Variants in WASF3 observed in about 807,000 individuals in gnomAD.
WASF3 encodes WASP family member 3, also known as actin-binding protein WASF3.
In WASF3, 11 loss-of-function variants were observed where a neutral mutation model predicts 46.6. The ratio of observed to expected loss-of-function variants is 0.24; its 90% CI spans 0.15 to 0.39. The LOEUF (loss-of-function observed/expected upper bound fraction) is 0.39. Among genes scored for constraint, WASF3 ranks in the 10% least tolerant of loss-of-function variants. WASF3 has a pLI of 1.00. For synonymous variants in WASF3, 242 were observed against 259.7 expected, an observed-to-expected ratio of 0.93 and a Z score of 0.65; for missense variants, 576 against 669.8, an observed-to-expected ratio of 0.86 and a Z score of 1.55.
At chr13:26,652,121 T>G (rs891456743) in intron 3 of WASF3, among the ~76,000 whole-genome samples, 2 of 152,200 alleles carry the variant, frequency 1.3e-5, no homozygotes, top group Non-Finnish European at 2.9e-5. Context: ...AAGGCAGAGA[T>G]TATCAGGTTA....
intron 1 of WASF3, among the ~76,000 whole-genome samples, chr13:26,578,815 A>G (rs1026823293): frequency 6.6e-6 from 1 of 151,822 alleles, no homozygotes; most frequent in East Asian, 1.9e-4. Context: ...CACATACTGT[A>G]TTGTTCTTGA....
chr13:26,591,115 C>G (rs1256059385), intron 1 of WASF3, among the ~76,000 whole-genome samples: 1 of 150,614 alleles, frequency 6.6e-6, no homozygotes, highest in Non-Finnish European at 1.5e-5. Flanking sequence ...TGTGTGTGTT[C>G]AGGGAGGAGA....
intron 1 of WASF3, among the ~76,000 whole-genome samples, chr13:26,595,860 G>A (rs1465546412): frequency 6.6e-6 from 1 of 152,136 alleles, no homozygotes; most frequent in Non-Finnish European, 1.5e-5. Context: ...GTTTACAATT[G>A]TATGGATATA....
chr13:26,573,231 C>T (rs754438964), intron 1 of WASF3, among the ~76,000 whole-genome samples: 3 of 152,090 alleles, frequency 2.0e-5, no homozygotes, highest in Admixed American at 6.5e-5. Flanking sequence ...TTATCCATTT[C>T]ATCTAGGCTT....
chr13:26,637,555 C>T (rs755658237), intron 2 of WASF3, among the ~76,000 whole-genome samples: 1 of 152,216 alleles, frequency 6.6e-6, no homozygotes, highest in Non-Finnish European at 1.5e-5. Context: ...CTGTTGCCCT[C>T]ACATTTAGCT....
Position 26,688,624 on chromosome 13 carries a change from A to G in WASF3, c.*2779A>G, listed in dbSNP as rs1340952837. The G allele has an allele frequency of 1.3e-5, 2 of 152,262 alleles. No individual in the cohort carries two copies. The highest frequency in any genetic ancestry group is 2.9e-5 in the Non-Finnish European group (2 of 68,040). 9.4% of individuals were successfully genotyped at this position (152,262 alleles called of 1,614,324 possible). ...AACATTTTCATCTCAGTAAGTTTTTAGAACATCAAAATGTTTTCTGAGCTC... is the reference window on the plus strand; with the variant it reads ...AACATTTTCATCTCAGTAAGTTTTTGGAACATCAAAATGTTTTCTGAGCTC... On this transcript the variant is annotated 3_prime_UTR_variant, in exon 10 of 10. Coordinates refer to ENST00000335327, the MANE Select transcript of WASF3 (RefSeq NM_006646.6).
At chr13:26,647,205 GTT>G (rs79815610) in intron 3 of WASF3, among the ~76,000 whole-genome samples, 20,867 of 152,122 alleles carry the variant, frequency 0.14, 1,586 homozygotes, top group South Asian at 0.2. Context: ...TGACGATATA[GTT>G]TAAAAAGATC....
intron 3 of WASF3, among the ~76,000 whole-genome samples, chr13:26,644,628 C>T (rs1430458891): frequency 2.0e-5 from 3 of 152,120 alleles, no homozygotes; most frequent in Non-Finnish European, 4.4e-5. Context: ...AAAAGATGAG[C>T]TGGGTGAGTC....
chr13:26,611,835 T>A (rs772540211), intron 1 of WASF3, among the ~76,000 whole-genome samples: 49 of 135,352 alleles, frequency 3.6e-4, no homozygotes, highest in Non-Finnish European at 5.9e-4. Context: ...ATGATCATTC[T>A]ATTTTTTTTT....
the WASF3 span, among the ~76,000 whole-genome samples, chr13:26,544,967 A>C: frequency 6.6e-6 from 1 of 152,244 alleles, no homozygotes; most frequent in Non-Finnish European, 1.5e-5. Context: ...GACAAATGTC[A>C]ATAACAGAAG....
At chr13:26,637,894 G>C (rs60951837) in intron 2 of WASF3, among the ~76,000 whole-genome samples, 8,044 of 152,272 alleles carry the variant, frequency 0.053, 741 homozygotes, top group African/African-American at 0.18. Flanking sequence ...ACTTGGGTTT[G>C]TCTGGGTCTG....
intron 7 of WASF3, among the ~76,000 whole-genome samples, chr13:26,677,411 T>C (rs1055212740): frequency 1.2e-4 from 19 of 152,240 alleles, no homozygotes; most frequent in Non-Finnish European, 1.6e-4. Context: ...TTTTGTAAAG[T>C]TGTAGTCTTC....
intron 2 of WASF3, among the ~76,000 whole-genome samples, chr13:26,632,136 C>A: frequency 6.6e-6 from 1 of 152,144 alleles, no homozygotes; most frequent in East Asian, 1.9e-4. Context: ...AATTTGACTT[C>A]CTCTTTTCCT....
intron 7 of WASF3, among the ~76,000 whole-genome samples, chr13:26,677,486 A>C (rs1371848093): frequency 6.6e-6 from 1 of 152,228 alleles, no homozygotes; most frequent in East Asian, 1.9e-4. Context: ...TATGTGATCA[A>C]GAATGTTTCA....
intron 3 of WASF3, among the ~76,000 whole-genome samples, chr13:26,656,656 G>A (rs1882475569): frequency 2.0e-5 from 3 of 151,092 alleles, no homozygotes; most frequent in Admixed American, 1.3e-4. Flanking sequence ...AAAATTCATC[G>A]TCAATACTTC....
In WASF3 at chr13:26,682,670, T is replaced by G. The variant is rs77371759; in HGVS notation, c.1047T>G (p.Pro349=). 6.4e-5 allele frequency: 103 copies of G among 1,614,120 alleles called. No homozygotes were observed. The East Asian group carries it at 2.3e-3, about 36-fold the overall frequency. The part of the protein sequence containing the change: ...NPSGPPPPPP[P]PVIPSAQTAF... The stretch of plus-strand genomic sequence containing the variant: ...CCGGACCACCTCCTCCGCCACCTCC[T>G]CCTGTGATTCCCTCAGCACAAACTG... The change falls in exon 9 of 10, where the codon CCT becomes CCG. Residue 349 remains proline (P), a synonymous_variant. Transcript: ENST00000335327. This position sits in a 1 kb window ranked among gnomAD's most constrained non-coding sequence, Gnocchi z 4.4.
intron 2 of WASF3, among the ~76,000 whole-genome samples, chr13:26,633,364 G>A (rs1415200311): frequency 2.0e-5 from 3 of 151,648 alleles, no homozygotes; most frequent in Non-Finnish European, 4.4e-5. Context: ...CACCACGTCC[G>A]GCTAATTTTT....
At chr13:26,660,055 G>A (rs763370815) in intron 3 of WASF3, among the ~76,000 whole-genome samples, 1 of 152,116 alleles carries the variant, frequency 6.6e-6, no homozygotes, top group Non-Finnish European at 1.5e-5. Flanking sequence ...CTAAATGAAT[G>A]TTGATGGAAA....
intron 1 of WASF3, among the ~76,000 whole-genome samples, chr13:26,580,213 A>G (rs1333548068): frequency 2.0e-5 from 3 of 152,216 alleles, no homozygotes; most frequent in African/African-American, 4.8e-5. Context: ...TTTGCTTTCC[A>G]TTATCTTTCA....
Sources: gnomAD v4.1 joint callset for allele counts (sites outside exome capture counted in the v4.1 genomes callset) on GRCh38, gnomAD v4.1.1 for gene constraint, Gnocchi (gnomAD v3.1) non-coding constraint, MANE v1.5 for transcripts, NCBI Gene and HGNC (gene_info 2026-07-23, HGNC 2026-07-21) for gene names.